MRAS: variants seen among roughly 807,000 people sequenced by gnomAD.
The protein encoded by MRAS is muscle RAS oncogene homolog.
Under a neutral mutation model 20.9 loss-of-function variants are expected in MRAS, and 4 were observed. That is an observed-to-expected ratio of 0.19 (90% confidence interval 0.09 to 0.44). The LOEUF is 0.44. Among genes scored for constraint, MRAS ranks in the 20% least tolerant of loss-of-function variants. MRAS has a pLI of 0.99. For missense variants in MRAS, 154 were observed against 277.5 expected (o/e 0.56, Z 3.16); for synonymous variants, 98 against 102.9 (o/e 0.95, Z 0.29).
intron 1 of MRAS, among the ~76,000 whole-genome samples, chr3:138,356,748 G>T (rs1476974462): frequency 6.6e-6 from 1 of 152,194 alleles, no homozygotes; most frequent in East Asian, 1.9e-4. Flanking sequence ...TCAGGTTGAG[G>T]TTCCTGGGGC....
intron 1 of MRAS, among the ~76,000 whole-genome samples, chr3:138,371,276 A>G (rs1020929961): frequency 1.1e-4 from 17 of 152,232 alleles, no homozygotes; most frequent in Non-Finnish European, 1.5e-4. Context: ...GGGTTCTGCA[A>G]TGACTCTCGA....
Position 138,404,876 on chromosome 3 carries a change from A to T in MRAS, c.*2607A>T, listed in dbSNP as rs2055427703. 1 of 152,148 alleles carries T rather than the reference A, an allele frequency of 6.6e-6. No homozygotes were observed. The highest frequency in any genetic ancestry group is 2.4e-5 in the African/African-American group (1 of 41,432). 9.4% of individuals were successfully genotyped at this position (152,148 alleles called of 1,614,324 possible). A position where few individuals can be genotyped will look rare whatever the true frequency, so the allele number is the denominator to read the frequency against. On this transcript the variant is annotated 3_prime_UTR_variant, in exon 6 of 6. Coordinates refer to ENST00000423968, the MANE Select transcript of MRAS (RefSeq NM_001085049.3). The stretch of plus-strand genomic sequence containing the variant: ...CAACTGGGACTTCTGGCTGTTTGAC[A>T]TCCTCATGTTCCCGTTGGTCTTCCG...
intron 1 of MRAS, among the ~76,000 whole-genome samples, chr3:138,353,309 A>G (rs555597206): frequency 1.3e-5 from 2 of 152,322 alleles, no homozygotes; most frequent in East Asian, 3.9e-4. Context: ...AGCTAGTTAT[A>G]GTACAATAGT....
At chr3:138,400,333 A>C in intron 4 of MRAS, 1 of 543,038 alleles carries the variant, frequency 1.8e-6, no homozygotes, top group Non-Finnish European at 3.3e-6. Flanking sequence ...ACAAGAGGGA[A>C]TTGGAAAAGC....
At chr3:138,370,272 C>T (rs1025729676) in intron 1 of MRAS, among the ~76,000 whole-genome samples, 2 of 152,202 alleles carry the variant, frequency 1.3e-5, no homozygotes, top group African/African-American at 4.8e-5. Flanking sequence ...TGAGCTGAGA[C>T]CACGCTACTG....
intron 2 of MRAS, among the ~76,000 whole-genome samples, chr3:138,395,101 C>T (rs548959959): frequency 7.2e-5 from 11 of 151,864 alleles, no homozygotes; most frequent in African/African-American, 2.7e-4. Flanking sequence ...AGTGCAGTGG[C>T]GCTATCTCAG....
intron 1 of MRAS, 118 bp downstream of exon 1, chr3:138,348,885 C>G (rs1382979709): frequency 6.6e-6 from 1 of 152,094 alleles, no homozygotes; most frequent in African/African-American, 2.4e-5. Flanking sequence ...CCGCGCTCTC[C>G]GCTTGCGGGG....
intron 1 of MRAS, among the ~76,000 whole-genome samples, chr3:138,354,020 A>G (rs2054280785): frequency 6.6e-6 from 1 of 152,158 alleles, no homozygotes; most frequent in Admixed American, 6.5e-5. Flanking sequence ...GACCTATCCC[A>G]TGGAGGTGTG....
At chr3:138,385,156 ATTTTTTT>A (rs34770279) in intron 2 of MRAS, among the ~76,000 whole-genome samples, 10 of 66,500 alleles carry the variant, frequency 1.5e-4, no homozygotes, top group South Asian at 7.2e-4. Context: ...TTGATTTGTA[ATTTTTTT>A]TTTTTTTTTT....
intron 2 of MRAS, among the ~76,000 whole-genome samples, chr3:138,385,305 C>T (rs940556300): frequency 6.7e-5 from 10 of 149,898 alleles, no homozygotes; most frequent in African/African-American, 2.0e-4. Context: ...GACCACAGGC[C>T]TGGCAAATTT....
intron 2 of MRAS, among the ~76,000 whole-genome samples, chr3:138,373,670 GA>G (rs1352293094): frequency 6.6e-6 from 1 of 152,176 alleles, no homozygotes; most frequent in African/African-American, 2.4e-5. Flanking sequence ...TGAAATCAGG[GA>G]GTATTAAATC....
intron 2 of MRAS, among the ~76,000 whole-genome samples, chr3:138,396,272 C>G (rs551175243): frequency 9.5e-4 from 144 of 152,324 alleles, no homozygotes; most frequent in African/African-American, 3.4e-3. Flanking sequence ...TTGACCATCC[C>G]CATTTTAGGA....
At chr3:138,365,958 G>A (rs1399673304) in intron 1 of MRAS, among the ~76,000 whole-genome samples, 1 of 152,204 alleles carries the variant, frequency 6.6e-6, no homozygotes, top group African/African-American at 2.4e-5. Flanking sequence ...GGAGTGAGCT[G>A]AAAAGCACTG....
At chr3:138,381,688 C>T (rs1003076607) in intron 2 of MRAS, among the ~76,000 whole-genome samples, 1 of 152,184 alleles carries the variant, frequency 6.6e-6, no homozygotes, top group African/African-American at 2.4e-5. Context: ...TCTCCGACTC[C>T]CCAGCAAGTG....
chr3:138,363,171 T>A (rs2054486316), intron 1 of MRAS, among the ~76,000 whole-genome samples: 1 of 151,988 alleles, frequency 6.6e-6, no homozygotes, highest in African/African-American at 2.4e-5. Context: ...CAAGTGATTC[T>A]CCTCCCTCAG....
At chr3:138,371,318 TA>T (rs969769334) in intron 1 of MRAS, among the ~76,000 whole-genome samples, 1 of 152,182 alleles carries the variant, frequency 6.6e-6, no homozygotes, top group Non-Finnish European at 1.5e-5. Context: ...TGTGGCCACA[TA>T]ACCCACATTT....
intron 2 of MRAS, among the ~76,000 whole-genome samples, chr3:138,377,021 A>G (rs181022453): frequency 6.6e-6 from 1 of 152,336 alleles, no homozygotes; most frequent in Admixed American, 6.5e-5. Context: ...GTTTCTGAGG[A>G]AAAATGTTTT....
At chr3:138,388,054 A>ACTACAGGACTT (rs1208317731) in intron 2 of MRAS, among the ~76,000 whole-genome samples, 1 of 152,166 alleles carries the variant, frequency 6.6e-6, no homozygotes, top group African/African-American at 2.4e-5. Flanking sequence ...GTTGGTGCCC[A>ACTACAGGACTT]CTACAGGACT....
chr3:138,401,188 G>C (rs1016956495), intron 5 of MRAS, among the ~76,000 whole-genome samples: 15 of 152,146 alleles, frequency 9.9e-5, no homozygotes, highest in Non-Finnish European at 5.9e-5. Flanking sequence ...ATGCACTCAT[G>C]ACTAAAACAG....
Sources: allele counts gnomAD v4.1 joint callset (sites outside exome capture counted in the v4.1 genomes callset), GRCh38; gene constraint gnomAD v4.1.1; transcripts MANE v1.5; gene names NCBI Gene and HGNC (gene_info 2026-07-23, HGNC 2026-07-21).